The following KIAA1217 variants were observed in gnomAD, a reference collection of about 807,000 sequenced individuals.
KIAA1217 encodes the protein KIAA1217.
KIAA1217 carries 88 observed loss-of-function variants against 163.9 expected under a neutral mutation model. That is an observed-to-expected ratio of 0.54 (90% CI 0.45 to 0.64). The LOEUF (loss-of-function observed/expected upper bound fraction) is 0.64, where lower values mean the gene tolerates loss of function less well. KIAA1217 is among the 30% of genes least tolerant of loss of function. The pLI, the probability that KIAA1217 is intolerant of heterozygous loss-of-function variation, is 0.00. For synonymous variants in KIAA1217, 903 were observed against 923.1 expected, an observed-to-expected ratio of 0.98 and a Z score of 0.39; for missense variants, 2,372 against 2,475.0, an observed-to-expected ratio of 0.96 and a Z score of 0.88.
At chr10:24,203,854 G>C (rs1366026512), upstream of KIAA1217, among the ~76,000 whole-genome samples, 1 of 152,194 alleles carries the variant, frequency 6.6e-6, no homozygotes, top group East Asian at 1.9e-4. Flanking sequence ...CTTATAAGTT[G>C]CCACCTGGAA....
chr10:23,702,336 T>G (rs1412724702), intron 1 of KIAA1217, among the ~76,000 whole-genome samples: 2 of 152,056 alleles, frequency 1.3e-5, no homozygotes, highest in Non-Finnish European at 2.9e-5. Flanking sequence ...TTCTAAGGGG[T>G]ACACATTATT....
At chr10:24,491,755 T>A (rs1288457513) in intron 6 of KIAA1217, among the ~76,000 whole-genome samples, 1 of 151,782 alleles carries the variant, frequency 6.6e-6, no homozygotes, top group East Asian at 1.9e-4. Context: ...CTTAGCAGAG[T>A]CTCATTTAGT....
intron 1 of KIAA1217, among the ~76,000 whole-genome samples, chr10:23,800,645 T>C (rs1167975799): frequency 6.6e-6 from 1 of 152,154 alleles, no homozygotes; most frequent in South Asian, 2.1e-4. Context: ...CACCATGTGG[T>C]TGGGTTCTTG....
chr10:24,357,764 C>T (rs1472642597), intron 2 of KIAA1217, among the ~76,000 whole-genome samples: 1 of 152,154 alleles, frequency 6.6e-6, no homozygotes. Flanking sequence ...TATTTTCCTC[C>T]TTTCAAGGTG....
chr10:24,502,819 C>T (rs1592469966), intron 9 of KIAA1217, among the ~76,000 whole-genome samples: 1 of 152,016 alleles, frequency 6.6e-6, no homozygotes, highest in African/African-American at 2.4e-5. Flanking sequence ...GGTGAAACCC[C>T]ATTTATACTG....
intron 2 of KIAA1217, among the ~76,000 whole-genome samples, chr10:24,167,557 T>C (rs10764451): frequency 0.7 from 106,614 of 151,808 alleles, 37,811 homozygotes; most frequent in Middle Eastern, 0.79. Context: ...AGGGACAGAC[T>C]CAGGCCCTCT....
At chr10:24,528,321 TG>T (rs2072542092) in intron 14 of KIAA1217, among the ~76,000 whole-genome samples, 3 of 71,694 alleles carry the variant, frequency 4.2e-5, no homozygotes, top group African/African-American at 4.4e-5. Flanking sequence ...TTTTTTTTTT[TG>T]TTTTTTTTTT....
intron 6 of KIAA1217, among the ~76,000 whole-genome samples, chr10:24,484,480 C>T (rs1049759671): frequency 1.3e-5 from 2 of 151,808 alleles, no homozygotes; most frequent in Non-Finnish European, 2.9e-5. Flanking sequence ...CTCCTGACTT[C>T]AAGGGATCCG....
chr10:23,853,800 G>A (rs184909029), intron 1 of KIAA1217, among the ~76,000 whole-genome samples: 31 of 152,184 alleles, frequency 2.0e-4, no homozygotes, highest in Admixed American at 6.5e-4. Context: ...GTTTATTTGC[G>A]TAGAGGTGTT....
chr10:24,461,370 G>A (rs1379379245), intron 5 of KIAA1217, among the ~76,000 whole-genome samples: 1 of 151,826 alleles, frequency 6.6e-6, no homozygotes, highest in Non-Finnish European at 1.5e-5. Context: ...TTTTGGTGGT[G>A]GGGAGACAGA....
chr10:24,230,156 G>T (rs904288552), intron 2 of KIAA1217, among the ~76,000 whole-genome samples: 1 of 152,034 alleles, frequency 6.6e-6, no homozygotes, highest in Non-Finnish European at 1.5e-5. Flanking sequence ...TAAGGAGAAC[G>T]TATTATTTGC....
chr10:24,130,003 G>A (rs773484046), intron 2 of KIAA1217, among the ~76,000 whole-genome samples: 5 of 151,862 alleles, frequency 3.3e-5, no homozygotes, highest in Non-Finnish European at 7.4e-5. Flanking sequence ...TTCCTAATAA[G>A]ACCTTCATCC....
chr10:24,363,473 T>G (rs1431763946), intron 2 of KIAA1217, among the ~76,000 whole-genome samples: 1 of 152,212 alleles, frequency 6.6e-6, no homozygotes, highest in African/African-American at 2.4e-5. Flanking sequence ...CTGTTTAATT[T>G]TTACAGTATT....
intron 1 of KIAA1217, among the ~76,000 whole-genome samples, chr10:23,995,566 A>G (rs557075693): frequency 6.6e-6 from 1 of 151,770 alleles, no homozygotes; most frequent in Non-Finnish European, 1.5e-5. Context: ...TTCCTACTTG[A>G]GTTTTCATTA....
At chr10:24,214,208 G>A (rs757254617) in intron 1 of KIAA1217, among the ~76,000 whole-genome samples, 7 of 152,180 alleles carry the variant, frequency 4.6e-5, no homozygotes, top group Non-Finnish European at 8.8e-5. Flanking sequence ...GAGGGATGCT[G>A]TAGGATTCTG....
Position 24,097,665 on chromosome 10 carries a change from A to C in KIAA1217, c.-171+90291A>C, listed in dbSNP as rs183964735. On this transcript the variant is annotated intron_variant, in intron 2 of 18. Transcript: ENST00000376462. Reference sequence around the variant, plus strand: ...GGTTTCAGAGGCAGCTAATGATTCCAGGCCAATAAATTGTCACGGTGATGG... The same window carrying C: ...GGTTTCAGAGGCAGCTAATGATTCCCGGCCAATAAATTGTCACGGTGATGG... Among the ~76,000 whole-genome samples the C allele has an allele frequency of 2.1e-3, 325 of 152,370 alleles. 1 individual carries two copies. Among genetic ancestry groups the C allele is most frequent in the African/African-American group, 6.8e-3 (284 of 41,588 alleles).
chr10:24,543,779 T>G lies in KIAA1217; in HGVS notation c.4509T>G (p.His1503Gln). The change falls in exon 19 of 21, where the codon CAT becomes CAG. Residue 1503 changes from histidine to glutamine, a missense_variant. Transcript: ENST00000376454. ...VQNNNTSQMS[H>Q]KKVAPGNLRT... ...ATAATAACACTTCCCAGATGTCTCA[T>G]AAGAAGGTGGCCCCAGGCAATCTTA... is the stretch of plus-strand genomic sequence containing the variant. The G allele has an allele frequency of 6.2e-7, 1 of 1,613,516 alleles. No individual in the cohort carries two copies. The highest frequency in any genetic ancestry group is 8.5e-7 in the Non-Finnish European group (1 of 1,179,812).
At chr10:24,404,773 C>T (rs2057014664) in intron 3 of KIAA1217, among the ~76,000 whole-genome samples, 1 of 152,008 alleles carries the variant, frequency 6.6e-6, no homozygotes, top group East Asian at 1.9e-4. Flanking sequence ...AGTTCAACTA[C>T]GATACATGCA....
intron 3 of KIAA1217, among the ~76,000 whole-genome samples, chr10:24,430,212 TC>T (rs1428655864): frequency 6.6e-6 from 1 of 152,184 alleles, no homozygotes; most frequent in Non-Finnish European, 1.5e-5. Flanking sequence ...GAGAGGACCC[TC>T]CAGTGTCCTG....
Sources: allele counts gnomAD v4.1 joint callset (sites outside exome capture counted in the v4.1 genomes callset), GRCh38; gene constraint gnomAD v4.1.1; transcripts MANE v1.5; gene names NCBI Gene and HGNC (gene_info 2026-07-23, HGNC 2026-07-21).